ECPAS: variants seen among roughly 807,000 people sequenced by gnomAD.
ECPAS encodes Ecm29 proteasome adaptor and scaffold.
In ECPAS, 70 loss-of-function variants were observed where a neutral mutation model predicts 255.1. The observed-to-expected ratio is 0.27, with a 90% confidence interval of 0.23 to 0.33. The LOEUF (loss-of-function observed/expected upper bound fraction) is 0.33, where lower values mean the gene tolerates loss of function less well. Ranked by LOEUF, ECPAS falls within the 10% of genes least tolerant of loss-of-function variation. The pLI is 1.00. For missense variants in ECPAS, 1,817 were observed against 2,206.4 expected, an observed-to-expected ratio of 0.82 and a Z score of 3.54; for synonymous variants, 784 against 775.0, an observed-to-expected ratio of 1.01 and a Z score of -0.19.
chr9:111,382,651 C>A (rs571959345), intron 35 of ECPAS, among the ~76,000 whole-genome samples: 5 of 152,236 alleles, frequency 3.3e-5, no homozygotes, highest in Non-Finnish European at 5.9e-5. Flanking sequence ...CAACTATCTA[C>A]TTGCCATGAA....
rs752301629 is a variant in ECPAS at position 111,423,379 on chromosome 9, ACT to A, written c.1216-133_1216-132del. The A allele has an allele frequency of 4.6e-5, 30 of 645,924 alleles. 1 individual carries two copies. The highest frequency in any genetic ancestry group is 1.6e-5 in the Non-Finnish European group (6 of 371,878). 40.0% of individuals were successfully genotyped at this position (645,924 alleles called of 1,614,324 possible). A position where few individuals can be genotyped will look rare whatever the true frequency, so the allele number is the denominator to read the frequency against. ...TTACTCCTTATTAAACCTAGGTCTCACTCTGTCTAACTACATGGTGTTAGCAC... is the reference window on the plus strand; with the variant it reads ...TTACTCCTTATTAAACCTAGGTCTCACTGTCTAACTACATGGTGTTAGCAC... On this transcript the variant is annotated intron_variant, in intron 12 of 49. Coordinates refer to ENST00000684092, the MANE Select transcript of ECPAS (RefSeq NM_001364929.1).
chr9:111,433,438 T>C, intron 7 of ECPAS, 66 bp from the exon 8 acceptor site: 2 of 1,548,654 alleles, frequency 1.3e-6, no homozygotes, highest in Middle Eastern at 1.7e-4. Context: ...CTGAAAGTAC[T>C]GCTTAACATA....
chr9:111,450,252 C>T (rs1025511129), intron 3 of ECPAS, among the ~76,000 whole-genome samples: 1 of 152,128 alleles, frequency 6.6e-6, no homozygotes, highest in African/African-American at 2.4e-5. Context: ...CCTCTTAGAC[C>T]TTGCTATCCT....
chr9:111,434,895 G>GTTTTTT (rs2098235545), intron 7 of ECPAS, among the ~76,000 whole-genome samples: 1 of 52,208 alleles, frequency 1.9e-5, no homozygotes, highest in African/African-American at 1.2e-4. Context: ...ACCACATCTG[G>GTTTTTT]CTTTTTTTTT....
At position 111,425,778 on chromosome 9, in the gene ECPAS, T is replaced by C. The variant is rs781001945; in HGVS notation, c.1101A>G (p.Thr367=). Residue 367 remains threonine, a synonymous_variant, in exon 11 of 50, where the codon ACA becomes ACG. Coordinates refer to ENST00000684092, the MANE Select transcript of ECPAS (RefSeq NM_001364929.1). ...TATGATGCACAAATTGCAGGGATAA[T>C]GTTCTTAACTTTGAATTTGTATTTG... is the stretch of plus-strand genomic sequence containing the variant. ...FGTNTNSKLR[T]LSLQFVHHIC... is the part of the protein sequence containing the mutation. 3.1e-6 allele frequency: 5 copies of C among 1,591,706 alleles called. No individual in the cohort carries two copies. The highest frequency in any genetic ancestry group is 4.3e-6 in the Non-Finnish European group (5 of 1,162,718).
intron 3 of ECPAS, among the ~76,000 whole-genome samples, chr9:111,448,637 C>T (rs1335971657): frequency 6.6e-6 from 1 of 152,176 alleles, no homozygotes; most frequent in Non-Finnish European, 1.5e-5. Context: ...GGCCTTAGCG[C>T]ATGCTGAGCT....
intron 37 of ECPAS, among the ~76,000 whole-genome samples, chr9:111,376,126 A>G (rs1022286078): frequency 2.6e-5 from 4 of 152,194 alleles, no homozygotes; most frequent in African/African-American, 9.6e-5. Context: ...TCCACAGCTT[A>G]TAACTTTCCT....
chr9:111,373,469 A>G (rs2098129802), intron 39 of ECPAS, 63 bp from the exon 40 acceptor site: 2 of 1,396,226 alleles, frequency 1.4e-6, no homozygotes, highest in African/African-American at 2.9e-5. Context: ...CTCTGTTCCC[A>G]GAACCCAAAC....
At chr9:111,483,441 G>A in intron 1 of ECPAS, 4 of 901,374 alleles carry the variant, frequency 4.4e-6, no homozygotes, top group South Asian at 5.1e-5. Context: ...TGCGGCCGCC[G>A]GCCCCCGGCA....
intron 15 of ECPAS, among the ~76,000 whole-genome samples, chr9:111,421,648 G>A (rs1377344369): frequency 6.6e-6 from 1 of 152,038 alleles, no homozygotes; most frequent in Non-Finnish European, 1.5e-5. Flanking sequence ...TCAGCTACCA[G>A]TTACAAAGAC....
intron 35 of ECPAS, among the ~76,000 whole-genome samples, chr9:111,379,431 C>A (rs1352671792): frequency 6.6e-6 from 1 of 152,222 alleles, no homozygotes; most frequent in Non-Finnish European, 1.5e-5. Flanking sequence ...ATCATCTCAG[C>A]TTTCAGCGAG....
chr9:111,439,521 C>T lies in ECPAS; in HGVS notation c.539+851G>A, dbSNP rs578063131. Among the ~76,000 whole-genome samples the T allele has an allele frequency of 2.6e-5, 4 of 152,194 alleles. No homozygotes were observed. In the East Asian group the frequency reaches 7.7e-4, roughly 29 times the overall value. ...TGGGCTCAAGGGATCTGTTCGGCCC[C>T]CCCTTCCCAAAGTGCTGAGATTACA... On this transcript the variant is annotated intron_variant, in intron 6 of 49. Transcript: ENST00000684092.
chr9:111,376,141 C>G (rs2274897), intron 37 of ECPAS, among the ~76,000 whole-genome samples: 9,652 of 152,188 alleles, frequency 0.063, 448 homozygotes, highest in East Asian at 0.19. Context: ...TTTCCTAGTT[C>G]CTCCCAAAGA....
chr9:111,378,499 G>A, intron 36 of ECPAS, 81 bp downstream of exon 36: 2 of 1,394,340 alleles, frequency 1.4e-6, no homozygotes, highest in East Asian at 2.3e-5. Context: ...AGTAGTGACA[G>A]TGTCATTCAA....
intron 2 of ECPAS, among the ~76,000 whole-genome samples, chr9:111,471,341 T>C (rs984289895): frequency 6.6e-6 from 1 of 152,194 alleles, no homozygotes; most frequent in African/African-American, 2.4e-5. Flanking sequence ...GGAATAAAGA[T>C]TTGTGAAAAC....
Position 111,484,080 on chromosome 9 carries a change from G to A in ECPAS, c.-83+36C>T, listed in dbSNP as rs1179446003. 3.2e-5 allele frequency: 40 copies of A among 1,239,294 alleles called. No homozygotes were observed. The highest frequency in any genetic ancestry group is 3.8e-5 in the Non-Finnish European group (38 of 991,912). 76.8% of individuals were successfully genotyped at this position (1,239,294 alleles called of 1,614,324 possible). A position where few individuals can be genotyped will look rare whatever the true frequency, so the allele number is the denominator to read the frequency against. On this transcript the variant is annotated intron_variant, in intron 1 of 49. Coordinates refer to ENST00000684092, the MANE Select transcript of ECPAS (RefSeq NM_001364929.1). ...CCTAACCGCGCCGCCGCGCGCGCAG[G>A]GCCAGTCCCCCGCGGCCCGGGGGCG...
At chr9:111,449,120 G>C (rs971591394) in intron 3 of ECPAS, among the ~76,000 whole-genome samples, 4 of 152,228 alleles carry the variant, frequency 2.6e-5, no homozygotes, top group African/African-American at 7.2e-5. Context: ...ATAATCTCAT[G>C]AGGATGTAAG....
Position 111,428,096 on chromosome 9 carries a change from G to C in ECPAS, c.996C>G (p.Val332=). ...PVSTRVKLKI[V]PHLLRSRQAA... ...CTTGTCTAGAGCGGAGGAGATGGGG[G>C]ACAATCTTTAACTTGACTCTTGTAC... The change falls in exon 10 of 50, where the codon GTC becomes GTG. Residue 332 remains valine, a synonymous_variant. Coordinates refer to ENST00000684092, the MANE Select transcript of ECPAS (RefSeq NM_001364929.1). The C allele has an allele frequency of 6.2e-7, 1 of 1,613,456 alleles. No individual in the cohort carries two copies. Among genetic ancestry groups the C allele is most frequent in the Non-Finnish European group, 8.5e-7 (1 of 1,179,634 alleles).
chr9:111,392,751 T>A lies in ECPAS; in HGVS notation c.3092+17A>T. The A allele has an allele frequency of 6.5e-7, 1 of 1,546,324 alleles. No homozygotes were observed. Among genetic ancestry groups the A allele is most frequent in the Non-Finnish European group, 8.9e-7 (1 of 1,122,720 alleles). ...TCCTCTATGGGCTTGAATCTAAAAT[T>A]TTCAAGTTCACCATACCTTTTGCCA... On this transcript the variant is annotated intron_variant, in intron 28 of 49. Coordinates refer to ENST00000684092, the MANE Select transcript of ECPAS (RefSeq NM_001364929.1).
Sources: gnomAD v4.1 joint callset for allele counts (sites outside exome capture counted in the v4.1 genomes callset) on GRCh38, gnomAD v4.1.1 for gene constraint, MANE v1.5 for transcripts, NCBI Gene and HGNC (gene_info 2026-07-23, HGNC 2026-07-21) for gene names.